The following KCNH1 variants were observed in gnomAD, a reference collection of about 807,000 sequenced individuals.
KCNH1 encodes the protein potassium voltage-gated channel subfamily H member 1.
In KCNH1, 27 loss-of-function variants were observed where a neutral mutation model predicts 69.2. That is an observed-to-expected ratio of 0.39 (90% CI 0.29 to 0.54). The LOEUF (loss-of-function observed/expected upper bound fraction) is 0.54. KCNH1 is among the 20% of genes least tolerant of loss of function. KCNH1 has a pLI of 0.68. For missense variants in KCNH1, 798 were observed against 1,261.6 expected, an observed-to-expected ratio of 0.63 and a Z score of 5.57; for synonymous variants, 456 against 487.7, an observed-to-expected ratio of 0.93 and a Z score of 0.86.
intron 7 of KCNH1, among the ~76,000 whole-genome samples, chr1:210,868,578 G>A (rs928683098): frequency 1.3e-5 from 2 of 151,998 alleles, no homozygotes; most frequent in African/African-American, 4.8e-5. Context: ...AAGGGTTGAA[G>A]TTCATTTTTT....
At chr1:211,053,398 G>C (rs1417286587) in intron 5 of KCNH1, among the ~76,000 whole-genome samples, 1 of 152,182 alleles carries the variant, frequency 6.6e-6, no homozygotes, top group Non-Finnish European at 1.5e-5. Context: ...GAGTTTTTCA[G>C]AAGCAGGGGT....
intron 1 of KCNH1, among the ~76,000 whole-genome samples, chr1:211,123,773 C>A (rs576851207): frequency 6.6e-6 from 1 of 151,848 alleles, no homozygotes; most frequent in East Asian, 1.9e-4. Context: ...AGAGAGTGAG[C>A]CGCGGGAGTG....
chr1:211,054,335 C>G (rs1331085323), intron 5 of KCNH1, among the ~76,000 whole-genome samples: 6 of 151,740 alleles, frequency 4.0e-5, no homozygotes, highest in Non-Finnish European at 1.5e-5. Context: ...ACATATGATT[C>G]TAAAATATTC....
chr1:211,088,903 G>A (rs1293747604), intron 4 of KCNH1, among the ~76,000 whole-genome samples: 1 of 152,132 alleles, frequency 6.6e-6, no homozygotes, highest in African/African-American at 2.4e-5. Flanking sequence ...AAATGAAGTG[G>A]AGCATTTTAT....
At chr1:210,931,216 C>T (rs1307520450) in intron 6 of KCNH1, among the ~76,000 whole-genome samples, 2 of 152,136 alleles carry the variant, frequency 1.3e-5, no homozygotes, top group Admixed American at 6.5e-5. Flanking sequence ...CTTGCACACA[C>T]ATATTTATTG....
intron 5 of KCNH1, among the ~76,000 whole-genome samples, chr1:211,033,640 C>G (rs971812420): frequency 6.6e-6 from 1 of 152,084 alleles, no homozygotes. Flanking sequence ...TGGAAACCAT[C>G]ATTCTCAACA....
chr1:210,877,731 C>G (rs949787993), intron 7 of KCNH1, among the ~76,000 whole-genome samples: 1 of 152,138 alleles, frequency 6.6e-6, no homozygotes, highest in Admixed American at 6.5e-5. Flanking sequence ...TCCCCTAACA[C>G]TGGAAATAAA....
intron 10 of KCNH1, among the ~76,000 whole-genome samples, chr1:210,757,473 T>G (rs907094326): frequency 2.6e-5 from 4 of 152,198 alleles, no homozygotes; most frequent in African/African-American, 9.7e-5. Context: ...GGTTATCATA[T>G]TCCCACTCTT....
intron 10 of KCNH1, among the ~76,000 whole-genome samples, chr1:210,714,883 C>A (rs1210572105): frequency 1.3e-5 from 2 of 152,218 alleles, no homozygotes; most frequent in East Asian, 3.8e-4. Context: ...TGTATAACCT[C>A]ATTTTCCCCC....
chr1:210,982,941 G>T (rs1053348150), intron 6 of KCNH1, among the ~76,000 whole-genome samples: 5 of 152,178 alleles, frequency 3.3e-5, no homozygotes, highest in African/African-American at 1.2e-4. Flanking sequence ...GCTGTTTCCT[G>T]ACTTTTTAAT....
chr1:210,697,166 C>A (rs547608873), intron 10 of KCNH1, among the ~76,000 whole-genome samples: 22 of 152,310 alleles, frequency 1.4e-4, no homozygotes, highest in African/African-American at 5.1e-4. Context: ...GGTTCCAGAG[C>A]TTAAAGGGCC....
chr1:211,071,816 T>C (rs773607053), intron 5 of KCNH1, among the ~76,000 whole-genome samples: 9 of 152,188 alleles, frequency 5.9e-5, no homozygotes, highest in Non-Finnish European at 1.3e-4. Flanking sequence ...CACATATTAG[T>C]GGACTCACAT....
chr1:211,049,312 C>T lies in KCNH1; in HGVS notation c.559-30056G>A, dbSNP rs143899794. On this transcript the variant is annotated intron_variant, in intron 5 of 10. Coordinates refer to ENST00000271751, the MANE Select transcript of KCNH1 (RefSeq NM_172362.3). ...GTCAGAAAAGGCTTAGATTTTAAAG[C>T]GATTGTCAAGATCTCCATTAAAGGA... is the stretch of plus-strand genomic sequence containing the variant. Among the ~76,000 whole-genome samples, 20 of 152,226 alleles carry T rather than the reference C, an allele frequency of 1.3e-4. No homozygotes were observed. The East Asian group carries it at 3.9e-3, about 29-fold the overall frequency.
intron 5 of KCNH1, among the ~76,000 whole-genome samples, chr1:211,074,309 A>G (rs1399578272): frequency 1.3e-5 from 2 of 151,600 alleles, no homozygotes; most frequent in Non-Finnish European, 1.5e-5. Context: ...TTATATATAT[A>G]TAATACTATT....
chr1:210,950,372 C>CT (rs1196905703), intron 6 of KCNH1, among the ~76,000 whole-genome samples: 2 of 80,406 alleles, frequency 2.5e-5, no homozygotes, highest in African/African-American at 9.5e-5. Context: ...CTCCCCCCTC[C>CT]CCCACCCCAC....
intron 6 of KCNH1, among the ~76,000 whole-genome samples, chr1:210,957,994 G>A (rs900061303): frequency 6.6e-6 from 1 of 152,218 alleles, no homozygotes; most frequent in Non-Finnish European, 1.5e-5. Flanking sequence ...AATTGATGCA[G>A]TTTCTTCATA....
chr1:210,861,796 T>C, intron 7 of KCNH1: 1 of 766,870 alleles, frequency 1.3e-6, no homozygotes, highest in Non-Finnish European at 2.4e-6. Context: ...ACTCCACTCC[T>C]CTAGTTTTTT....
rs770566865 is a variant in KCNH1 at position 211,123,894 on chromosome 1, G to A, written c.79+9973C>T. 4.6e-5 allele frequency among the ~76,000 whole-genome samples: 7 copies of A among 152,118 alleles called. No homozygotes were observed. The South Asian group carries it at 1.2e-3, about 27-fold the overall frequency. On this transcript the variant is annotated intron_variant, in intron 1 of 10. Coordinates refer to ENST00000271751, the MANE Select transcript of KCNH1 (RefSeq NM_172362.3). The stretch of plus-strand genomic sequence containing the variant: ...AAACCAGGAAACCCGGAAATATGGT[G>A]TTACTAGGGACACGTGAGAGGTAGG...
chr1:211,096,239 T>C (rs1691151097), intron 3 of KCNH1, among the ~76,000 whole-genome samples: 2 of 152,068 alleles, frequency 1.3e-5, no homozygotes, highest in South Asian at 4.2e-4. Context: ...AATTTTTGTA[T>C]TTTTAGTAGA....
Sources: gnomAD v4.1 joint callset for allele counts (sites outside exome capture counted in the v4.1 genomes callset) on GRCh38, gnomAD v4.1.1 for gene constraint, MANE v1.5 for transcripts, NCBI Gene and HGNC (gene_info 2026-07-23, HGNC 2026-07-21) for gene names.